MSI2: variants seen among roughly 807,000 people sequenced by gnomAD.
The protein encoded by MSI2 is musashi RNA binding protein 2, also known as RNA-binding protein Musashi homolog 2.
MSI2 carries 17 observed loss-of-function variants against 45.6 expected under a neutral mutation model. The ratio of observed to expected loss-of-function variants is 0.37; its 90% CI spans 0.26 to 0.56. MSI2 has a LOEUF of 0.56. Ranked by LOEUF, MSI2 falls within the 20% of genes least tolerant of loss-of-function variation. The pLI is 0.77. For missense variants in MSI2, 293 were observed against 444.2 expected (o/e 0.66, Z 3.06); for synonymous variants, 156 against 158.2 (o/e 0.99, Z 0.11).
chr17:57,510,405 T>TG (rs1243998997), intron 6 of MSI2, among the ~76,000 whole-genome samples: 1 of 151,806 alleles, frequency 6.6e-6, no homozygotes, highest in Non-Finnish European at 1.5e-5. Context: ...CTCTTGTTTT[T>TG]TTTTTTGTTT....
the MSI2 span, among the ~76,000 whole-genome samples, chr17:57,698,520 C>T: frequency 8.3e-4 from 127 of 152,272 alleles, no homozygotes; most frequent in African/African-American, 3.0e-3. Flanking sequence ...GTAGCAGGCC[C>T]GTTTTTCCTT....
intron 4 of MSI2, chr17:57,260,006 A>G (rs1220588562): frequency 6.6e-6 from 1 of 152,216 alleles, no homozygotes; most frequent in African/African-American, 2.4e-5. Flanking sequence ...TGGTTTATTG[A>G]CATGGAAACG....
At position 57,627,550 on chromosome 17, in the gene MSI2, G is replaced by A. The variant is rs1257640896; in HGVS notation, c.727+247G>A. 18 of 553,726 alleles carry A rather than the reference G, an allele frequency of 3.3e-5. 1 individual carries two copies. The highest frequency in any genetic ancestry group is 1.6e-4 in the South Asian group (7 of 44,738). 34.3% of individuals were successfully genotyped at this position (553,726 alleles called of 1,614,324 possible). On this transcript the variant is annotated intron_variant, in intron 10 of 13. Transcript: ENST00000284073. This position sits in a 1 kb window ranked among gnomAD's most constrained non-coding sequence, Gnocchi z 4.6. ...GCAGCTTTTAAAGGGAAAGCAGAAC[G>A]GAGGCAGGAGGCCTCCCTGTGCTCA... is the stretch of plus-strand genomic sequence containing the variant.
At chr17:57,363,773 A>AAAC (rs139222290) in intron 5 of MSI2, among the ~76,000 whole-genome samples, 2 of 150,072 alleles carry the variant, frequency 1.3e-5, no homozygotes, top group Non-Finnish European at 3.0e-5. Flanking sequence ...CAACAACAAC[A>AAAC]AACAACAACA....
chr17:57,388,813 CT>C (rs2083730840), intron 5 of MSI2, among the ~76,000 whole-genome samples: 1 of 151,736 alleles, frequency 6.6e-6, no homozygotes. Context: ...ACCACCACAC[CT>C]GGCTAATTTT....
At chr17:57,272,904 T>TA (rs1336601682) in intron 5 of MSI2, among the ~76,000 whole-genome samples, 1 of 152,226 alleles carries the variant, frequency 6.6e-6, no homozygotes, top group Non-Finnish European at 1.5e-5. Flanking sequence ...TATTTACTGA[T>TA]ACACTCTATT....
chr17:57,699,338 C>G, the MSI2 span, among the ~76,000 whole-genome samples: 285 of 151,006 alleles, frequency 1.9e-3, 4 homozygotes, highest in South Asian at 0.014. Context: ...ACACTCTCCA[C>G]GTCTTCCTCA....
intron 6 of MSI2, among the ~76,000 whole-genome samples, chr17:57,520,366 A>G (rs2086558465): frequency 6.6e-6 from 1 of 152,236 alleles, no homozygotes; most frequent in Admixed American, 6.5e-5. Flanking sequence ...TGTTGAATTC[A>G]TAACTGCTAT....
At chr17:57,622,637 C>T (rs899574042) in intron 9 of MSI2, among the ~76,000 whole-genome samples, 3 of 150,566 alleles carry the variant, frequency 2.0e-5, no homozygotes, top group Non-Finnish European at 4.4e-5. Flanking sequence ...TGACATTAAG[C>T]CCCCTGAAAT....
At chr17:57,507,269 GTGTGTGTGT>G (rs2086257869) in intron 6 of MSI2, among the ~76,000 whole-genome samples, 7 of 139,864 alleles carry the variant, frequency 5.0e-5, no homozygotes, top group Non-Finnish European at 1.1e-4. Context: ...GTGTGTGTGT[GTGTGTGTGT>G]GTCTCCCCCA....
intron 6 of MSI2, among the ~76,000 whole-genome samples, chr17:57,465,163 A>C (rs1369047374): frequency 6.6e-6 from 1 of 152,152 alleles, no homozygotes. Flanking sequence ...AGTTCTGAAA[A>C]CCTAAATTAA....
At chr17:57,537,419 G>A (rs9908225) in intron 7 of MSI2, among the ~76,000 whole-genome samples, 21,702 of 152,194 alleles carry the variant, frequency 0.14, 2,008 homozygotes, top group African/African-American at 0.26. Context: ...GACCAGCCCC[G>A]GAGCTGTCTG....
intron 5 of MSI2, among the ~76,000 whole-genome samples, chr17:57,385,197 A>T (rs546557853): frequency 6.6e-6 from 1 of 152,318 alleles, no homozygotes; most frequent in East Asian, 1.9e-4. Flanking sequence ...AAAGCTGGTC[A>T]TGTTATTCCC....
In MSI2 at chr17:57,596,832, C is replaced by T; in HGVS notation, c.455-36C>T. On this transcript the variant is annotated intron_variant, in intron 7 of 13. Transcript: ENST00000284073. The surrounding 1 kb of genome is among the most constrained non-coding windows in gnomAD (Gnocchi z 4.6). The stretch of plus-strand genomic sequence containing the variant: ...CCTGCCAGAACTGAACTCACCCCGC[C>T]TCTCTTTGTTTTTTCTTCTCTCTCT... 6.6e-7 allele frequency: 1 copy of T among 1,515,770 alleles called. No homozygotes were observed. The highest frequency in any genetic ancestry group is 9.2e-7 in the Non-Finnish European group (1 of 1,091,876). 93.9% of individuals were successfully genotyped at this position (1,515,770 alleles called of 1,614,324 possible).
At chr17:57,436,538 G>T (rs2084693851) in intron 6 of MSI2, among the ~76,000 whole-genome samples, 1 of 152,188 alleles carries the variant, frequency 6.6e-6, no homozygotes, top group African/African-American at 2.4e-5. Context: ...CGTGGGCCTT[G>T]CTTTGCTAAG....
intron 7 of MSI2, among the ~76,000 whole-genome samples, chr17:57,579,474 C>T (rs577900238): frequency 5.3e-5 from 8 of 152,278 alleles, no homozygotes; most frequent in East Asian, 1.9e-4. Flanking sequence ...GAGTGGCAGA[C>T]GCATCTGCCT....
chr17:57,567,745 G>T (rs183430770), intron 7 of MSI2, among the ~76,000 whole-genome samples: 1 of 152,328 alleles, frequency 6.6e-6, no homozygotes, highest in African/African-American at 2.4e-5. Context: ...CCTCAGAGAT[G>T]ATCTGATTAC....
intron 6 of MSI2, among the ~76,000 whole-genome samples, chr17:57,429,311 G>C (rs1327800453): frequency 6.6e-6 from 1 of 152,202 alleles, no homozygotes; most frequent in East Asian, 1.9e-4. Context: ...GGTTTTGCGT[G>C]TGTCTAAAAA....
chr17:57,351,459 C>T (rs1916025152), intron 5 of MSI2, among the ~76,000 whole-genome samples: 1 of 152,162 alleles, frequency 6.6e-6, no homozygotes, highest in Non-Finnish European at 1.5e-5. Flanking sequence ...GAAACAAATC[C>T]TCAGCCCCCT....
Sources: allele counts gnomAD v4.1 joint callset (sites outside exome capture counted in the v4.1 genomes callset), GRCh38; gene constraint gnomAD v4.1.1; non-coding constraint Gnocchi (gnomAD v3.1); transcripts MANE v1.5; gene names NCBI Gene and HGNC (gene_info 2026-07-23, HGNC 2026-07-21).